DUSP3: variants seen among roughly 807,000 people sequenced by gnomAD.
DUSP3 encodes the protein dual specificity protein phosphatase 3.
Under a neutral mutation model 15.5 loss-of-function variants are expected in DUSP3, and 7 were observed. That is an observed-to-expected ratio of 0.45 (90% CI 0.26 to 0.85). DUSP3 has a LOEUF of 0.85. Among genes scored for constraint, DUSP3 ranks in the 40% least tolerant of loss-of-function variants. The probability of loss-of-function intolerance (pLI) is 0.18; values close to 1 mark genes in which losing one functional copy is unlikely to be tolerated. For synonymous variants in DUSP3, 86 were observed against 104.2 expected, an observed-to-expected ratio of 0.83 and a Z score of 1.07; for missense variants, 209 against 251.7, an observed-to-expected ratio of 0.83 and a Z score of 1.15.
chr17:43,775,350 G>A (rs1332376701), intron 1 of DUSP3, among the ~76,000 whole-genome samples: 1 of 152,170 alleles, frequency 6.6e-6, no homozygotes, highest in African/African-American at 2.4e-5. Flanking sequence ...TCTGCATCCT[G>A]CCCAGGTACT....
Position 43,769,617 on chromosome 17 carries a change from T to C in DUSP3, c.550A>G (p.Lys184Glu). ...NDRLAKEGKL[K>E]P Reference sequence around the variant, plus strand: ...GAGGTGGTGGGGGTGCCCTAGGGTTTCAACTTCCCCTCCTTGGCTAGTCTG... The same window carrying C: ...GAGGTGGTGGGGGTGCCCTAGGGTTCCAACTTCCCCTCCTTGGCTAGTCTG... Residue 184 changes from lysine (K) to glutamate (E), a missense_variant, in exon 3 of 3, where the codon AAA becomes GAA. Transcript: ENST00000226004. 1 of 1,611,664 alleles carries C rather than the reference T, an allele frequency of 6.2e-7. No homozygotes were observed. Among genetic ancestry groups the C allele is most frequent in the Admixed American group, 1.7e-5 (1 of 59,832 alleles).
chr17:43,771,963 T>C (rs1974325635), intron 2 of DUSP3, among the ~76,000 whole-genome samples: 1 of 150,272 alleles, frequency 6.7e-6, no homozygotes. Flanking sequence ...TGAGCTGAGA[T>C]TGAGCCACTG....
At position 43,774,888 on chromosome 17, in the gene DUSP3, A is replaced by G. The variant is rs998172940; in HGVS notation, c.176T>C (p.Val59Ala). The G allele has an allele frequency of 6.2e-7, 1 of 1,614,250 alleles. No homozygotes were observed. Among genetic ancestry groups the G allele is most frequent in the Non-Finnish European group, 8.5e-7 (1 of 1,180,052 alleles). ...GGACCTGCCCTCAGCCGCGTTCAGC[A>G]CATGGGTGATGCCTAGTTTCTGCAG... ...PKLQKLGITHVLNAAEGRSFM... is the reference protein window; with the variant it reads ...PKLQKLGITHALNAAEGRSFM... The change falls in exon 2 of 3, where the codon GTG becomes GCG. Residue 59 changes from valine to alanine, a missense_variant. Coordinates refer to ENST00000226004, the MANE Select transcript of DUSP3 (RefSeq NM_004090.4).
chr17:43,774,397 T>C (rs976983258), intron 2 of DUSP3, among the ~76,000 whole-genome samples: 1 of 152,110 alleles, frequency 6.6e-6, no homozygotes, highest in Non-Finnish European at 1.5e-5. Context: ...ATTAACACAT[T>C]AACACATCTT....
chr17:43,772,616 G>A (rs975798920), intron 2 of DUSP3, among the ~76,000 whole-genome samples: 5 of 152,132 alleles, frequency 3.3e-5, no homozygotes, highest in East Asian at 1.9e-4. Context: ...GACTCACTTC[G>A]CCACTCATTC....
In DUSP3 at chr17:43,769,811, C is replaced by T. The variant is rs146976455; in HGVS notation, c.356G>A (p.Arg119Gln). 3.0e-5 allele frequency: 48 copies of T among 1,614,026 alleles called. 1 individual carries two copies. The highest frequency in any genetic ancestry group is 3.3e-4 in the Middle Eastern group (2 of 6,056). Residue 119 changes from arginine to glutamine, a missense_variant, in exon 3 of 3, where the codon CGG becomes CAG. By Grantham distance (43) the Arg-to-Gln change is conservative. Coordinates refer to ENST00000226004, the MANE Select transcript of DUSP3 (RefSeq NM_004090.4). The part of the protein sequence containing the change: ...IDQALAQKNG[R>Q]VLVHCREGYS... Reference sequence around the variant, plus strand: ...ACCTTCCCGGCAGTGGACGAGCACCCGGCCTGTAAGAAACAGGGGAGACGT... The same window carrying T: ...ACCTTCCCGGCAGTGGACGAGCACCTGGCCTGTAAGAAACAGGGGAGACGT...
At position 43,766,148 on chromosome 17, in the gene DUSP3, T is replaced by C. The variant is rs1410842959; in HGVS notation, c.*3461A>G. On this transcript the variant is annotated 3_prime_UTR_variant, in exon 3 of 3. Transcript: ENST00000226004. ...CCTTTGTAATGTAAGACATTTATTT[T>C]GGCTAAAGTTCTGGTGTTTTAACAC... 1.3e-5 allele frequency: 2 copies of C among 152,678 alleles called. No individual in the cohort carries two copies. Among genetic ancestry groups the C allele is most frequent in the African/African-American group, 4.8e-5 (2 of 41,462 alleles). 9.5% of individuals were successfully genotyped at this position (152,678 alleles called of 1,614,324 possible). A position where few individuals can be genotyped will look rare whatever the true frequency, so the allele number is the denominator to read the frequency against.
At chr17:43,777,353 A>G (rs1974402325) in intron 1 of DUSP3, among the ~76,000 whole-genome samples, 1 of 152,226 alleles carries the variant, frequency 6.6e-6, no homozygotes, top group Admixed American at 6.5e-5. Context: ...AACATTGTAC[A>G]GTGCCTGACA....
rs1178854179 is a variant in DUSP3 at position 43,766,341 on chromosome 17, C to T, written c.*3268G>A. On this transcript the variant is annotated 3_prime_UTR_variant, in exon 3 of 3. Coordinates refer to ENST00000226004, the MANE Select transcript of DUSP3 (RefSeq NM_004090.4). Reference sequence around the variant, plus strand: ...TAAGCTTCCAACGAATCTGTTCTCTCAACCGGAAATGTCTTCTATTTCCAA... The same window carrying T: ...TAAGCTTCCAACGAATCTGTTCTCTTAACCGGAAATGTCTTCTATTTCCAA... The T allele has an allele frequency of 6.6e-6, 1 of 152,222 alleles. No homozygotes were observed. Among genetic ancestry groups the T allele is most frequent in the East Asian group, 1.9e-4 (1 of 5,200 alleles). The allele number at this position is 152,222 out of a possible 1,614,324, so 9.4% of individuals were successfully genotyped here. A position where few individuals can be genotyped will look rare whatever the true frequency, so the allele number is the denominator to read the frequency against.
intron 2 of DUSP3, among the ~76,000 whole-genome samples, chr17:43,771,708 T>A (rs1974322547): frequency 6.6e-6 from 1 of 151,640 alleles, no homozygotes; most frequent in African/African-American, 2.4e-5. Context: ...AGAGGACGAA[T>A]TCTTTAAGAG....
chr17:43,769,586 C>A lies in DUSP3; in HGVS notation c.*23G>T, dbSNP rs200549536. On this transcript the variant is annotated 3_prime_UTR_variant, in exon 3 of 3. Coordinates refer to ENST00000226004, the MANE Select transcript of DUSP3 (RefSeq NM_004090.4). ...CCCACGGCCTCCCCCACGGACCTCTCGAGCAGAGGTGGTGGGGGTGCCCTA... is the reference window on the plus strand; with the variant it reads ...CCCACGGCCTCCCCCACGGACCTCTAGAGCAGAGGTGGTGGGGGTGCCCTA... 11 of 1,610,068 alleles carry A rather than the reference C, an allele frequency of 6.8e-6. No homozygotes were observed. Among genetic ancestry groups the A allele is most frequent in the Admixed American group, 1.7e-5 (1 of 59,336 alleles).
intron 2 of DUSP3, among the ~76,000 whole-genome samples, chr17:43,773,011 C>T (rs759704403): frequency 4.9e-4 from 75 of 152,230 alleles, no homozygotes; most frequent in Admixed American, 8.5e-4. Context: ...CCTTCCCCTT[C>T]GCCCAGCCTA....
intron 2 of DUSP3, among the ~76,000 whole-genome samples, chr17:43,772,356 C>A (rs111388574): frequency 6.6e-6 from 1 of 152,188 alleles, no homozygotes; most frequent in Non-Finnish European, 1.5e-5. Context: ...AGGAATGAGA[C>A]CCTCTGCAGA....
intron 2 of DUSP3, among the ~76,000 whole-genome samples, chr17:43,773,160 G>A (rs1974339878): frequency 6.6e-6 from 1 of 152,190 alleles, no homozygotes; most frequent in African/African-American, 2.4e-5. Context: ...TTCTCTCTGA[G>A]CCCTGAGCGT....
chr17:43,770,294 G>A (rs1974297932), intron 2 of DUSP3, among the ~76,000 whole-genome samples: 1 of 152,112 alleles, frequency 6.6e-6, no homozygotes, highest in Non-Finnish European at 1.5e-5. Context: ...GCAACACGGA[G>A]GCAGCACACA....
At chr17:43,776,848 CCTGAAGCCTTTGGCTGA>C (rs1173274890) in intron 1 of DUSP3, among the ~76,000 whole-genome samples, 3 of 152,222 alleles carry the variant, frequency 2.0e-5, no homozygotes, top group African/African-American at 7.2e-5. Flanking sequence ...CTTTCCAATT[CCTGAAGCCTTTGGCTGA>C]CACTGTGGGA....
Position 43,769,559 on chromosome 17 carries a change from TGCCCACGGCCTC to T in DUSP3, c.*38_*49del, listed in dbSNP as rs748150184. The T allele has an allele frequency of 3.1e-5, 50 of 1,602,182 alleles. No individual in the cohort carries two copies. The Middle Eastern group carries it at 2.5e-3, about 80-fold the overall frequency. On this transcript the variant is annotated 3_prime_UTR_variant, in exon 3 of 3. Transcript: ENST00000226004. Reference sequence around the variant, plus strand: ...TAAACATGGCAGCTCGGGACACCTTTGCCCACGGCCTCCCCCACGGACCTCTCGAGCAGAGGT... The same window carrying T: ...TAAACATGGCAGCTCGGGACACCTTTCCCCACGGACCTCTCGAGCAGAGGT...
rs1471681981 is a variant in DUSP3, at chr17:43,769,219, CAA to C, written c.*388_*389del. 4.3e-6 allele frequency: 1 copy of C among 233,600 alleles called. No homozygotes were observed. The highest frequency in any genetic ancestry group is 8.4e-6 in the Non-Finnish European group (1 of 119,168). The allele number at this position is 233,600 out of a possible 1,614,324, so 14.5% of individuals were successfully genotyped here. ...GGCTCAAGGTGTTGAGGTCCACACT[CAA>C]GAGAGGATTCGGGAGTTGGGGAAGG... is the stretch of plus-strand genomic sequence containing the variant. On this transcript the variant is annotated 3_prime_UTR_variant, in exon 3 of 3. Transcript: ENST00000226004.
rs1974423248 is a variant in DUSP3, at chr17:43,778,661, AAGCCCCCGCTGT to A, written c.125+127_125+138del. On this transcript the variant is annotated intron_variant, in intron 1 of 2. Coordinates refer to ENST00000226004, the MANE Select transcript of DUSP3 (RefSeq NM_004090.4). ...TAGGCGTCGACTCCAGGCCCCTCCC[AAGCCCCCGCTGT>A]GGCTCCCGGAGGGGCCATCGCGCCC... 18 of 1,199,656 alleles carry A rather than the reference AAGCCCCCGCTGT, an allele frequency of 1.5e-5. No homozygotes were observed. In the East Asian group the frequency reaches 5.9e-4, roughly 39 times the overall value. 74.3% of individuals were successfully genotyped at this position (1,199,656 alleles called of 1,614,324 possible).
Sources: allele counts gnomAD v4.1 joint callset (sites outside exome capture counted in the v4.1 genomes callset), GRCh38; gene constraint gnomAD v4.1.1; transcripts MANE v1.5; gene names NCBI Gene and HGNC (gene_info 2026-07-23, HGNC 2026-07-21).